SLC24A4: variants seen among roughly 807,000 people sequenced by gnomAD.
SLC24A4 encodes solute carrier family 24 member 4, also known as sodium/potassium/calcium exchanger 4.
In SLC24A4, 53 loss-of-function variants were observed where a neutral mutation model predicts 79.0. The observed-to-expected ratio is 0.67, with a 90% CI of 0.54 to 0.84. The LOEUF (loss-of-function observed/expected upper bound fraction) is 0.84. SLC24A4 is among the 40% of genes least tolerant of loss of function. The pLI, the probability that SLC24A4 is intolerant of heterozygous loss-of-function variation, is 0.00. For synonymous variants in SLC24A4, 323 were observed against 323.8 expected, an observed-to-expected ratio of 1.00 and a Z score of 0.03; for missense variants, 731 against 822.0, an observed-to-expected ratio of 0.89 and a Z score of 1.35.
chr14:92,465,169 G>T (rs1330191834), intron 12 of SLC24A4, among the ~76,000 whole-genome samples: 1 of 152,258 alleles, frequency 6.6e-6, no homozygotes, highest in Non-Finnish European at 1.5e-5. Context: ...GCCTTCAGAG[G>T]CAGGGCAATA....
At chr14:92,405,084 C>A (rs565162885) in intron 2 of SLC24A4, among the ~76,000 whole-genome samples, 10 of 152,012 alleles carry the variant, frequency 6.6e-5, no homozygotes, top group Non-Finnish European at 1.2e-4. Context: ...TACTTGCTGA[C>A]TGCCTGGGTA....
intron 12 of SLC24A4, among the ~76,000 whole-genome samples, chr14:92,476,991 T>C (rs909278281): frequency 6.6e-6 from 1 of 152,230 alleles, no homozygotes; most frequent in Non-Finnish European, 1.5e-5. Context: ...TTTGCTATTA[T>C]AAATAATGCT....
chr14:92,396,259 G>T (rs889476500), intron 2 of SLC24A4, among the ~76,000 whole-genome samples: 1 of 152,176 alleles, frequency 6.6e-6, no homozygotes, highest in Non-Finnish European at 1.5e-5. Context: ...TGCATATTTA[G>T]GCTTATCATT....
intron 2 of SLC24A4, among the ~76,000 whole-genome samples, chr14:92,372,412 G>A (rs903068353): frequency 1.4e-4 from 21 of 152,280 alleles, no homozygotes; most frequent in African/African-American, 4.8e-4. Context: ...GCCTGAGCCT[G>A]ACCCAGGAGA....
intron 10 of SLC24A4, chr14:92,450,572 T>G (rs1405564761): frequency 6.6e-6 from 1 of 152,256 alleles, no homozygotes; most frequent in Non-Finnish European, 1.5e-5. Context: ...CAGGACAACC[T>G]CAGAAGGGGA....
At chr14:92,326,409 G>T (rs960786156) in intron 2 of SLC24A4, among the ~76,000 whole-genome samples, 2 of 152,170 alleles carry the variant, frequency 1.3e-5, no homozygotes, top group East Asian at 3.8e-4. Context: ...GCATGACCGG[G>T]CAGCTGCAGG....
intron 2 of SLC24A4, among the ~76,000 whole-genome samples, chr14:92,369,793 A>C (rs1284468849): frequency 6.6e-6 from 1 of 152,100 alleles, no homozygotes; most frequent in African/African-American, 2.4e-5. Flanking sequence ...CCAATAGCAT[A>C]CTCACCCACT....
chr14:92,323,899 C>G lies in SLC24A4; in HGVS notation c.69C>G (p.Val23=). The G allele has an allele frequency of 3.7e-6, 6 of 1,609,174 alleles. No individual in the cohort carries two copies. Among genetic ancestry groups the G allele is most frequent in the Non-Finnish European group, 5.1e-6 (6 of 1,179,754 alleles). The part of the protein sequence containing the change: ...RRRREMLPQQ[V]GFVCAVLALV... ...GGCGAGAGATGCTGCCGCAGCAAGT[C>G]GGCTTCGTGTGCGCGGTGCTGGCCC... is the stretch of plus-strand genomic sequence containing the variant. The change falls in exon 1 of 17, where the codon GTC becomes GTG. Residue 23 remains valine, a synonymous_variant. Coordinates refer to ENST00000532405, the MANE Select transcript of SLC24A4 (RefSeq NM_153646.4). This position sits in a 1 kb window ranked among gnomAD's most constrained non-coding sequence, Gnocchi z 4.9.
At chr14:92,329,592 G>A (rs1054075763) in intron 2 of SLC24A4, among the ~76,000 whole-genome samples, 1 of 152,130 alleles carries the variant, frequency 6.6e-6, no homozygotes, top group South Asian at 2.1e-4. Context: ...GTGTGATTAT[G>A]TCTCATGGCA....
At chr14:92,419,439 G>C (rs533982614) in intron 2 of SLC24A4, among the ~76,000 whole-genome samples, 42 of 152,320 alleles carry the variant, frequency 2.8e-4, no homozygotes, top group African/African-American at 9.1e-4. Flanking sequence ...TGAACTTGAG[G>C]CTGTCTAGAA....
chr14:92,474,843 G>GTGTGTATATATA (rs779007741), intron 12 of SLC24A4, among the ~76,000 whole-genome samples: 2 of 23,882 alleles, frequency 8.4e-5, no homozygotes, highest in Non-Finnish European at 1.2e-4. Flanking sequence ...GTGTGTGTGT[G>GTGTGTATATATA]TATATATATA....
rs887945095 is a variant in SLC24A4 at position 92,498,086 on chromosome 14, G to T, written c.*4458G>T. On this transcript the variant is annotated 3_prime_UTR_variant, in exon 17 of 17. Transcript: ENST00000532405. Reference sequence around the variant, plus strand: ...CCCATAGAAACTTCTAGAAATTTCTGAAAATGCTCTGTGGGCAGCTCTTGG... The same window carrying T: ...CCCATAGAAACTTCTAGAAATTTCTTAAAATGCTCTGTGGGCAGCTCTTGG... The T allele has an allele frequency of 2.6e-5, 4 of 152,348 alleles. No homozygotes were observed. In the East Asian group the frequency reaches 5.8e-4, roughly 22 times the overall value. 9.4% of individuals were successfully genotyped at this position (152,348 alleles called of 1,614,324 possible). A position where few individuals can be genotyped will look rare whatever the true frequency, so the allele number is the denominator to read the frequency against.
Position 92,469,536 on chromosome 14 carries a change from C to G in SLC24A4, c.1255+12928C>G, listed in dbSNP as rs188410377. On this transcript the variant is annotated intron_variant, in intron 12 of 16. Coordinates refer to ENST00000532405, the MANE Select transcript of SLC24A4 (RefSeq NM_153646.4). Reference sequence around the variant, plus strand: ...AAAAAAAAGGTTAAACATAGAGTCACCATATGACCCAACAATTCCCCTCTT... The same window carrying G: ...AAAAAAAAGGTTAAACATAGAGTCAGCATATGACCCAACAATTCCCCTCTT... 3.4e-3 allele frequency among the ~76,000 whole-genome samples: 515 copies of G among 151,642 alleles called. 6 individuals carry two copies. Among genetic ancestry groups the G allele is most frequent in the African/African-American group, 0.012 (492 of 41,370 alleles).
intron 2 of SLC24A4, among the ~76,000 whole-genome samples, chr14:92,381,290 A>G (rs911499835): frequency 2.0e-5 from 3 of 152,196 alleles, no homozygotes; most frequent in Non-Finnish European, 4.4e-5. Context: ...AGGGACATGG[A>G]TGAAGCTGGA....
intron 13 of SLC24A4, chr14:92,484,570 A>G: frequency 1.0e-6 from 1 of 985,410 alleles, no homozygotes; most frequent in Non-Finnish European, 1.2e-6. Flanking sequence ...GAAACAAGTC[A>G]TGTAACTCAG....
At position 92,497,129 on chromosome 14, in the gene SLC24A4, AC is replaced by A. The variant is rs2139960797; in HGVS notation, c.*3505del. ...CCTTGTGAATTTTCACCTGCTCCTT[AC>A]CCCTCACCTGTTAGGACTGTTTCTT... On this transcript the variant is annotated 3_prime_UTR_variant, in exon 17 of 17. Transcript: ENST00000532405. The A allele has an allele frequency of 6.6e-6, 1 of 152,072 alleles. No individual in the cohort carries two copies. The highest frequency in any genetic ancestry group is 2.1e-4 in the South Asian group (1 of 4,790). 9.4% of individuals were successfully genotyped at this position (152,072 alleles called of 1,614,324 possible).
In SLC24A4 at chr14:92,444,826, G is replaced by T. The variant is rs1012404916; in HGVS notation, c.658-491G>T. 6.6e-5 allele frequency among the ~76,000 whole-genome samples: 10 copies of T among 152,134 alleles called. No homozygotes were observed. In the Middle Eastern group the frequency reaches 0.014, roughly 207 times the overall value. ...GCCAAAATCGCACTGCTGCACTTCA[G>T]CCTGGGAGACAGAGCAAGACTACGT... On this transcript the variant is annotated intron_variant, in intron 7 of 16. Transcript: ENST00000532405.
intron 2 of SLC24A4, among the ~76,000 whole-genome samples, chr14:92,354,758 T>C (rs1205372398): frequency 6.6e-6 from 1 of 152,008 alleles, no homozygotes; most frequent in Non-Finnish European, 1.5e-5. Context: ...AGAGCACACT[T>C]GGAGTACCAG....
chr14:92,429,708 A>G (rs1891759741), intron 2 of SLC24A4, among the ~76,000 whole-genome samples: 1 of 152,180 alleles, frequency 6.6e-6, no homozygotes, highest in Non-Finnish European at 1.5e-5. Flanking sequence ...TGCTCCAATA[A>G]AGAGAGCCTG....
Sources: allele counts gnomAD v4.1 joint callset (sites outside exome capture counted in the v4.1 genomes callset), GRCh38; gene constraint gnomAD v4.1.1; non-coding constraint Gnocchi (gnomAD v3.1); transcripts MANE v1.5; gene names NCBI Gene and HGNC (gene_info 2026-07-23, HGNC 2026-07-21).